The following EIF4G3 variants were observed in gnomAD, a reference collection of about 807,000 sequenced individuals.
EIF4G3 encodes the protein eukaryotic translation initiation factor 4 gamma 3, also known as eIF-4-gamma 3.
In EIF4G3, 34 loss-of-function variants were observed where a neutral mutation model predicts 186.4. That is an observed-to-expected ratio of 0.18 (90% CI 0.14 to 0.24). The LOEUF (loss-of-function observed/expected upper bound fraction) is 0.24, where lower values mean the gene tolerates loss of function less well. EIF4G3 is among the 10% of genes least tolerant of loss of function. EIF4G3 has a pLI of 1.00. For missense variants in EIF4G3, 1,536 were observed against 1,948.5 expected (o/e 0.79, Z 3.99); for synonymous variants, 673 against 679.5 (o/e 0.99, Z 0.15).
intron 2 of EIF4G3, among the ~76,000 whole-genome samples, chr1:21,136,675 G>T (rs534677006): frequency 6.6e-6 from 1 of 152,284 alleles, no homozygotes; most frequent in African/African-American, 2.4e-5. Context: ...ACCCAGGAAG[G>T]AAATGGTATG....
chr1:20,961,151 G>A (rs1259293951), intron 12 of EIF4G3, among the ~76,000 whole-genome samples: 7 of 152,142 alleles, frequency 4.6e-5, no homozygotes, highest in Non-Finnish European at 8.8e-5. Flanking sequence ...TTGGGAGGCC[G>A]AGGTGGGCGG....
chr1:20,947,106 G>A (rs954263848), intron 13 of EIF4G3, among the ~76,000 whole-genome samples: 3 of 152,082 alleles, frequency 2.0e-5, no homozygotes, highest in Admixed American at 6.5e-5. Flanking sequence ...CAGCACCTTG[G>A]CAGGCCGTAG....
chr1:21,135,184 A>G (rs1356370255), intron 2 of EIF4G3, among the ~76,000 whole-genome samples: 3 of 152,220 alleles, frequency 2.0e-5, no homozygotes, highest in African/African-American at 4.8e-5. Flanking sequence ...CCACCCGCAG[A>G]GTCACAACAG....
intron 2 of EIF4G3, among the ~76,000 whole-genome samples, chr1:21,143,430 A>C (rs953171975): frequency 3.3e-5 from 5 of 152,180 alleles, no homozygotes; most frequent in Non-Finnish European, 7.3e-5. Context: ...AAAGAATACT[A>C]TAAAACAGTA....
At chr1:20,930,450 T>A (rs971529203) in intron 14 of EIF4G3, among the ~76,000 whole-genome samples, 1 of 152,222 alleles carries the variant, frequency 6.6e-6, no homozygotes, top group African/African-American at 2.4e-5. Flanking sequence ...TCAACAGGAA[T>A]AGATTCCAAC....
At chr1:21,003,828 A>C (rs889001724) in intron 4 of EIF4G3, 4 of 373,734 alleles carry the variant, frequency 1.1e-5, no homozygotes, top group East Asian at 1.7e-4. Context: ...CCTCATCATC[A>C]TGGTTAGAAA....
At chr1:20,931,285 G>A (rs1360916319) in intron 14 of EIF4G3, among the ~76,000 whole-genome samples, 1 of 152,106 alleles carries the variant, frequency 6.6e-6, no homozygotes, top group Non-Finnish European at 1.5e-5. Flanking sequence ...AGGCTTGAAA[G>A]TCAAAATTAC....
At chr1:20,807,807 G>C (rs1278142888) in intron 36 of EIF4G3, among the ~76,000 whole-genome samples, 2 of 126,678 alleles carry the variant, frequency 1.6e-5, no homozygotes, top group Non-Finnish European at 3.1e-5. Flanking sequence ...TCTGTCCCCA[G>C]GCTGGAGTGC....
chr1:20,962,398 A>G (rs1025408592), intron 12 of EIF4G3, among the ~76,000 whole-genome samples: 6 of 152,242 alleles, frequency 3.9e-5, no homozygotes, highest in African/African-American at 1.4e-4. Context: ...TACATTTCCA[A>G]TACTATGCTG....
intron 2 of EIF4G3, among the ~76,000 whole-genome samples, chr1:21,155,262 CAAA>C (rs34182850): frequency 1.2e-4 from 5 of 43,326 alleles, no homozygotes; most frequent in Admixed American, 3.9e-4. Context: ...GACTCTGTCT[CAAA>C]AAAAAAAAAA....
chr1:21,026,775 C>A (rs989629327), intron 4 of EIF4G3, among the ~76,000 whole-genome samples: 1 of 151,820 alleles, frequency 6.6e-6, no homozygotes, highest in Non-Finnish European at 1.5e-5. Flanking sequence ...CATGGCAAAA[C>A]CCTGTCTCTA....
rs761697731 is a variant in EIF4G3, at chr1:20,886,945, G to A, written c.2254-574C>T. 1.1e-4 allele frequency among the ~76,000 whole-genome samples: 17 copies of A among 152,204 alleles called. No individual in the cohort carries two copies. In the South Asian group the frequency reaches 2.5e-3, roughly 22 times the overall value. The stretch of plus-strand genomic sequence containing the variant: ...TTTATTTGTCTGCTCTGTTCCTGCT[G>A]GATTCCCACTATACCCTTATGTTAA... On this transcript the variant is annotated intron_variant, in intron 18 of 36. Transcript: ENST00000602326.
chr1:21,102,357 T>G (rs566903338), intron 2 of EIF4G3, among the ~76,000 whole-genome samples: 2 of 152,296 alleles, frequency 1.3e-5, no homozygotes, highest in African/African-American at 2.4e-5. Flanking sequence ...ACCCTGATTT[T>G]TACCTAATAA....
At chr1:20,990,075 G>A (rs1319435248) in intron 7 of EIF4G3, among the ~76,000 whole-genome samples, 1 of 152,188 alleles carries the variant, frequency 6.6e-6, no homozygotes, top group Non-Finnish European at 1.5e-5. Flanking sequence ...CAACTCAGGA[G>A]GCTGATGCAG....
At chr1:20,930,341 T>C (rs1047615329) in intron 14 of EIF4G3, among the ~76,000 whole-genome samples, 3 of 152,222 alleles carry the variant, frequency 2.0e-5, no homozygotes, top group Non-Finnish European at 2.9e-5. Context: ...TTTGATAGCA[T>C]TTTACCCAAT....
intron 2 of EIF4G3, among the ~76,000 whole-genome samples, chr1:21,165,538 C>T (rs1372827719): frequency 6.6e-6 from 1 of 152,170 alleles, no homozygotes; most frequent in Non-Finnish European, 1.5e-5. Flanking sequence ...ATGGTTACAA[C>T]ACAGACGAAC....
At chr1:20,945,426 G>C (rs1345736118) in intron 13 of EIF4G3, among the ~76,000 whole-genome samples, 1 of 152,158 alleles carries the variant, frequency 6.6e-6, no homozygotes, top group Non-Finnish European at 1.5e-5. Context: ...GTTTTTAAAA[G>C]AGTATTTAAT....
chr1:20,903,072 G>A (rs1558156019), intron 15 of EIF4G3, among the ~76,000 whole-genome samples: 3 of 152,222 alleles, frequency 2.0e-5, no homozygotes, highest in South Asian at 4.1e-4. Context: ...CTGGCTCACC[G>A]CCTGCTTTTG....
rs767874521 is a variant in EIF4G3, at chr1:20,860,513, T to C, written c.3116A>G (p.Asn1039Ser). 2 of 1,613,470 alleles carry C rather than the reference T, an allele frequency of 1.2e-6. No individual in the cohort carries two copies. Among genetic ancestry groups the C allele is most frequent in the Admixed American group, 1.7e-5 (1 of 59,874 alleles). ...LQDVIDLRLC[N>S]WVSRRADQGP... is the part of the protein sequence containing the mutation. ...TTGATCTGCTCTTCGAGATACCCAA[T>C]TGCACTATAAAAGCAGAAAATAAGG... Residue 1039 changes from asparagine to serine, a missense_variant, in exon 24 of 37, where the codon AAT (asparagine) becomes AGT (serine). Coordinates refer to ENST00000602326, the MANE Select transcript of EIF4G3 (RefSeq NM_001391906.1).
Sources: allele counts gnomAD v4.1 joint callset (sites outside exome capture counted in the v4.1 genomes callset), GRCh38; gene constraint gnomAD v4.1.1; transcripts MANE v1.5; gene names NCBI Gene and HGNC (gene_info 2026-07-23, HGNC 2026-07-21).